The following TENM3 variants were observed in gnomAD, a reference collection of about 807,000 sequenced individuals.
TENM3 encodes the protein teneurin-3.
In TENM3, 63 loss-of-function variants were observed where a neutral mutation model predicts 255.1. That is an observed-to-expected ratio of 0.25 (90% CI 0.20 to 0.30). TENM3 has a LOEUF of 0.30. Among genes scored for constraint, TENM3 ranks in the 10% least tolerant of loss-of-function variants. The pLI, the probability that TENM3 is intolerant of heterozygous loss-of-function variation, is 1.00. For synonymous variants in TENM3, 1,306 were observed against 1,322.3 expected (o/e 0.99, Z 0.27); for missense variants, 2,929 against 3,461.1 (o/e 0.85, Z 3.86).
At chr4:181,950,821 A>G in the TENM3 span, among the ~76,000 whole-genome samples, 1 of 152,130 alleles carries the variant, frequency 6.6e-6, no homozygotes, top group African/African-American at 2.4e-5. Context: ...CAGGAGGATC[A>G]CTCAAGCCCA....
the TENM3 span, among the ~76,000 whole-genome samples, chr4:181,553,999 ACT>A: frequency 5.9e-5 from 9 of 151,928 alleles, no homozygotes; most frequent in South Asian, 1.9e-3. Context: ...TCAGCTACTG[ACT>A]CTGCTCCCTT....
chr4:182,200,321 C>T (rs1050197431), intron 1 of TENM3, among the ~76,000 whole-genome samples: 1 of 152,146 alleles, frequency 6.6e-6, no homozygotes, highest in Non-Finnish European at 1.5e-5. Flanking sequence ...ACTTATTCCA[C>T]TGACTCAGAA....
At chr4:182,161,826 CACATATATATGTGTATATAT>C in intron 1 of TENM3, among the ~76,000 whole-genome samples, 1 of 13,028 alleles carries the variant, frequency 7.7e-5, no homozygotes, top group African/African-American at 2.1e-4. Context: ...TATATATATA[CACATATATATGTGTATATAT>C]ACACAAATAT....
intron 18 of TENM3, 31 bp downstream of exon 18, chr4:182,738,575 G>A: frequency 6.4e-7 from 1 of 1,564,140 alleles, no homozygotes; most frequent in Non-Finnish European, 8.7e-7. Context: ...AACTGATGTT[G>A]TAATGTATTG....
rs180834966 is a variant in TENM3 at position 182,769,462 on chromosome 4, A to G, written c.4893-4010A>G. The stretch of plus-strand genomic sequence containing the variant: ...AAAAAATGATGTGGAGAATGTTTTC[A>G]TCATAAAGCTTTATTCATTGCTTTT... On this transcript the variant is annotated intron_variant, in intron 22 of 27. Coordinates refer to ENST00000511685, the MANE Select transcript of TENM3 (RefSeq NM_001080477.4). Among the ~76,000 whole-genome samples the G allele has an allele frequency of 5.5e-3, 840 of 152,054 alleles. 6 individuals are homozygous for G. The highest frequency in any genetic ancestry group is 0.019 in the African/African-American group (801 of 41,480).
At chr4:181,879,583 C>A in the TENM3 span, among the ~76,000 whole-genome samples, 1 of 152,146 alleles carries the variant, frequency 6.6e-6, no homozygotes, top group Non-Finnish European at 1.5e-5. Context: ...TTAATATCTA[C>A]AGTAACATTT....
intron 13 of TENM3, among the ~76,000 whole-genome samples, chr4:182,715,070 G>C (rs1407194098): frequency 6.6e-6 from 1 of 152,156 alleles, no homozygotes; most frequent in East Asian, 1.9e-4. Context: ...TTTTAGGAGA[G>C]ACAGGGTTTC....
chr4:182,241,193 C>A (rs1757231709), upstream of TENM3, among the ~76,000 whole-genome samples: 4 of 152,258 alleles, frequency 2.6e-5, no homozygotes, highest in South Asian at 8.3e-4. Context: ...ATTGGCTTCC[C>A]AGAGCTCAGC....
the TENM3 span, among the ~76,000 whole-genome samples, chr4:181,852,777 G>C: frequency 2.0e-5 from 3 of 152,154 alleles, no homozygotes; most frequent in Non-Finnish European, 4.4e-5. Flanking sequence ...ACAATATGAA[G>C]TTGCTATTAT....
chr4:182,386,559 A>T (rs533020661), intron 3 of TENM3, among the ~76,000 whole-genome samples: 1 of 152,216 alleles, frequency 6.6e-6, no homozygotes, highest in South Asian at 2.1e-4. Flanking sequence ...GGAGGTGTGG[A>T]GGGAGAGGCG....
At chr4:181,776,788 C>G in the TENM3 span, among the ~76,000 whole-genome samples, 12 of 151,942 alleles carry the variant, frequency 7.9e-5, no homozygotes, top group South Asian at 2.1e-4. Flanking sequence ...GTTTTGTTTT[C>G]TTTCTGCTGT....
chr4:181,671,308 G>A, the TENM3 span, among the ~76,000 whole-genome samples: 3 of 152,026 alleles, frequency 2.0e-5, no homozygotes, highest in Non-Finnish European at 2.9e-5. Flanking sequence ...ATATGAGAAC[G>A]CTGTTATATT....
intron 5 of TENM3, among the ~76,000 whole-genome samples, chr4:182,638,488 G>C (rs1054298006): frequency 2.0e-5 from 3 of 151,938 alleles, no homozygotes; most frequent in Admixed American, 2.0e-4. Context: ...TTACTCTGAG[G>C]CCCCCCCATT....
chr4:182,570,913 A>T (rs1744295175), intron 3 of TENM3, among the ~76,000 whole-genome samples: 1 of 152,098 alleles, frequency 6.6e-6, no homozygotes, highest in South Asian at 2.1e-4. Context: ...GCGTGTGTTT[A>T]TCCTGGGTCA....
At chr4:182,633,561 C>T (rs1292278555) in intron 5 of TENM3, among the ~76,000 whole-genome samples, 1 of 152,182 alleles carries the variant, frequency 6.6e-6, no homozygotes, top group South Asian at 2.1e-4. Context: ...GAGAAAATCA[C>T]CTTGAGATGA....
chr4:182,339,648 T>C lies in TENM3; in HGVS notation c.233-7003T>C, dbSNP rs1234832694. Among the ~76,000 whole-genome samples, 3 of 152,204 alleles carry C rather than the reference T, an allele frequency of 2.0e-5. No homozygotes were observed. The East Asian group carries it at 5.8e-4, about 29-fold the overall frequency. ...GTTGAGCCCCAGCTTACTGCTCAAC[T>C]TGTATCTGGTTCCTTGCCACGTTGC... On this transcript the variant is annotated intron_variant, in intron 2 of 27. Transcript: ENST00000511685.
At chr4:182,622,394 A>C (rs1473463926) in intron 4 of TENM3, among the ~76,000 whole-genome samples, 2 of 152,220 alleles carry the variant, frequency 1.3e-5, no homozygotes, top group Non-Finnish European at 2.9e-5. Flanking sequence ...AGCCCTTGCC[A>C]AGATTGGTGA....
At chr4:182,449,539 T>G (rs556248392) in intron 3 of TENM3, among the ~76,000 whole-genome samples, 327 of 152,300 alleles carry the variant, frequency 2.1e-3, no homozygotes, top group African/African-American at 7.6e-3. Context: ...ATTCGGTGAC[T>G]TTTACGAATT....
the TENM3 span, among the ~76,000 whole-genome samples, chr4:182,099,208 C>T: frequency 6.6e-6 from 1 of 152,000 alleles, no homozygotes; most frequent in Admixed American, 6.6e-5. Flanking sequence ...AGGCAGTCCA[C>T]CCACCTTGGC....
Sources: allele counts gnomAD v4.1 joint callset (sites outside exome capture counted in the v4.1 genomes callset), GRCh38; gene constraint gnomAD v4.1.1; transcripts MANE v1.5; gene names NCBI Gene and HGNC (gene_info 2026-07-23, HGNC 2026-07-21).